The following ADGRV1 variants were observed in gnomAD, a reference collection of about 807,000 sequenced individuals.
ADGRV1 encodes adhesion G protein-coupled receptor V1, also known as G-protein coupled receptor 98.
A neutral mutation model predicts 596.2 loss-of-function variants in ADGRV1; 359 were observed. That is an observed-to-expected ratio of 0.60 (90% CI 0.55 to 0.66). The LOEUF is 0.66. Ranked by LOEUF, ADGRV1 falls within the 30% of genes least tolerant of loss-of-function variation. The pLI is 0.00. For synonymous variants in ADGRV1, 2,681 were observed against 2,679.2 expected (o/e 1.00, Z -0.02); for missense variants, 7,274 against 7,575.6 (o/e 0.96, Z 1.48).
At chr5:91,101,364 T>TA (rs1469242201) in intron 86 of ADGRV1, among the ~76,000 whole-genome samples, 1 of 152,160 alleles carries the variant, frequency 6.6e-6, no homozygotes, top group Non-Finnish European at 1.5e-5. Flanking sequence ...TGATAGTGGG[T>TA]AAAGAAGGGC....
At chr5:90,874,374 G>T (rs1252615477) in intron 83 of ADGRV1, among the ~76,000 whole-genome samples, 1 of 151,938 alleles carries the variant, frequency 6.6e-6, no homozygotes, top group Non-Finnish European at 1.5e-5. Context: ...ACCCCTACGG[G>T]GTCTCATCAC....
intron 83 of ADGRV1, among the ~76,000 whole-genome samples, chr5:90,923,444 A>G (rs1269896680): frequency 6.6e-6 from 1 of 152,014 alleles, no homozygotes; most frequent in African/African-American, 2.4e-5. Context: ...AAATTTAAAT[A>G]TATACTAAAA....
At chr5:90,599,163 C>T (rs970499120) in intron 1 of ADGRV1, among the ~76,000 whole-genome samples, 46 of 152,188 alleles carry the variant, frequency 3.0e-4, no homozygotes, top group African/African-American at 1.1e-3. Flanking sequence ...GGTGTACTTA[C>T]AAAGTATGTT....
At chr5:91,073,256 A>C (rs984001860) in intron 86 of ADGRV1, among the ~76,000 whole-genome samples, 1 of 152,168 alleles carries the variant, frequency 6.6e-6, no homozygotes, top group Non-Finnish European at 1.5e-5. Context: ...CATACAGAAA[A>C]TGCTCTGTAA....
At chr5:90,820,602 G>A (rs987680759) in intron 75 of ADGRV1, among the ~76,000 whole-genome samples, 11 of 151,426 alleles carry the variant, frequency 7.3e-5, no homozygotes, top group South Asian at 2.1e-4. Flanking sequence ...CTCTTTTAGG[G>A]CAGGCCTGGT....
chr5:90,622,483 A>G, intron 4 of ADGRV1, 114 bp from the exon 5 acceptor site: 1 of 423,704 alleles, frequency 2.4e-6, no homozygotes, highest in Non-Finnish European at 4.3e-6. Flanking sequence ...TTCTTATCGT[A>G]CAGTGTGGAT....
At chr5:91,014,136 CCACACACA>C (rs70973720) in intron 85 of ADGRV1, among the ~76,000 whole-genome samples, 19 of 35,694 alleles carry the variant, frequency 5.3e-4, no homozygotes, top group African/African-American at 7.9e-4. Context: ...TTCACAATTG[CCACACACA>C]CACACACACA....
intron 84 of ADGRV1, among the ~76,000 whole-genome samples, chr5:90,967,967 T>C (rs1778624618): frequency 6.6e-6 from 1 of 152,194 alleles, no homozygotes; most frequent in Admixed American, 6.5e-5. Context: ...TCAGACTATT[T>C]TGGGACATAG....
intron 1 of ADGRV1, among the ~76,000 whole-genome samples, chr5:90,592,516 AT>A (rs1168594115): frequency 6.6e-6 from 1 of 152,224 alleles, no homozygotes; most frequent in Non-Finnish European, 1.5e-5. Flanking sequence ...CCATTTGTCT[AT>A]TTTGGCTTTT....
chr5:90,699,629 C>T (rs1428995027), intron 34 of ADGRV1, among the ~76,000 whole-genome samples: 2 of 152,054 alleles, frequency 1.3e-5, no homozygotes, highest in African/African-American at 4.8e-5. Context: ...ACTGTAGGGC[C>T]ACTAATGTTG....
At chr5:90,875,476 T>C (rs1271497439) in intron 83 of ADGRV1, among the ~76,000 whole-genome samples, 1 of 152,196 alleles carries the variant, frequency 6.6e-6, no homozygotes, top group East Asian at 1.9e-4. Context: ...ACTGGGAACT[T>C]CAAGAAAGCC....
At chr5:90,761,483 C>T (rs539441694) in intron 58 of ADGRV1, among the ~76,000 whole-genome samples, 6 of 152,200 alleles carry the variant, frequency 3.9e-5, no homozygotes, top group Non-Finnish European at 8.8e-5. Flanking sequence ...ATTGATGAAA[C>T]TTCACAATAA....
intron 42 of ADGRV1, among the ~76,000 whole-genome samples, chr5:90,714,047 GT>G (rs915052992): frequency 2.0e-5 from 3 of 152,106 alleles, no homozygotes; most frequent in Non-Finnish European, 4.4e-5. Flanking sequence ...AAGATTATCT[GT>G]TGAGTACAGT....
intron 4 of ADGRV1, among the ~76,000 whole-genome samples, chr5:90,621,407 C>T (rs912604453): frequency 6.6e-6 from 1 of 152,092 alleles, no homozygotes; most frequent in African/African-American, 2.4e-5. Flanking sequence ...AATTCGGTAA[C>T]CTCCATTATA....
At position 90,712,301 on chromosome 5, in the gene ADGRV1, TG is replaced by T; in HGVS notation, c.9058del (p.Asp3020MetfsTer11). The stretch of plus-strand genomic sequence containing the variant: ...TTTTTGACCAGATTCTTCATTTTGC[TG>T]ATGGAGAAAGGTATAAAAATGTCAA... ...IFTPMILHFA[D>X]GERYKNVNIM... On this transcript the variant is annotated frameshift_variant, in exon 42 of 90. Transcript: ENST00000405460. LOFTEE classifies it high-confidence loss of function. 1 of 1,537,708 alleles carries T rather than the reference TG, an allele frequency of 6.5e-7. No homozygotes were observed. Among genetic ancestry groups the T allele is most frequent in the South Asian group, 1.2e-5 (1 of 81,560 alleles).
At chr5:90,935,294 C>G (rs1775581579) in intron 83 of ADGRV1, among the ~76,000 whole-genome samples, 1 of 152,204 alleles carries the variant, frequency 6.6e-6, no homozygotes, top group Non-Finnish European at 1.5e-5. Context: ...CTTTCACATA[C>G]TCCATAGTTT....
intron 50 of ADGRV1, among the ~76,000 whole-genome samples, chr5:90,737,947 T>G (rs534282803): frequency 6.7e-6 from 1 of 148,430 alleles, no homozygotes. Context: ...AGGAGCAGAC[T>G]TGCTACTGCC....
At chr5:90,717,206 A>T (rs1327546036) in intron 43 of ADGRV1, 1 of 152,386 alleles carries the variant, frequency 6.6e-6, no homozygotes, top group Non-Finnish European at 1.5e-5. Context: ...GATAAATATG[A>T]TCTATACTCA....
chr5:90,731,724 G>T (rs1752571492), intron 50 of ADGRV1, among the ~76,000 whole-genome samples: 1 of 152,172 alleles, frequency 6.6e-6, no homozygotes, highest in African/African-American at 2.4e-5. Context: ...CAGGCACATG[G>T]TGCGCCTGTG....
Sources: allele counts gnomAD v4.1 joint callset (sites outside exome capture counted in the v4.1 genomes callset), GRCh38; gene constraint gnomAD v4.1.1; transcripts MANE v1.5; gene names NCBI Gene and HGNC (gene_info 2026-07-23, HGNC 2026-07-21).